Variants in LPA observed in about 807,000 individuals in gnomAD.
LPA encodes the protein apolipoprotein(a).
In LPA, 199 loss-of-function variants were observed where a neutral mutation model predicts 197.9. The ratio of observed to expected loss-of-function variants is 1.01; its 90% confidence interval spans 0.90 to 1.13. LPA has a LOEUF of 1.13. LPA is among the 50% of genes most tolerant of loss of function. LPA has a pLI of 0.00. For missense variants in LPA, 1,853 were observed against 1,785.8 expected (o/e 1.04, Z -0.68); for synonymous variants, 715 against 639.5 (o/e 1.12, Z -1.78).
Position 160,545,521 on chromosome 6 carries a change from G to A in LPA, c.5317C>T (p.Pro1773Ser). The A allele has an allele frequency of 1.2e-6, 2 of 1,611,950 alleles. No individual in the cohort carries two copies. The highest frequency in any genetic ancestry group is 2.2e-5 in the East Asian group (1 of 44,864). ...AGLEKNYCRN[P>S]DGDINGPWCY... ...CAGGGACCATTGATGTCACCATCAG[G>A]GTTACGGCAGTACTGAAAACAAGCA... is the stretch of plus-strand genomic sequence containing the variant. The change falls in exon 33 of 39, where the codon CCT becomes TCT. Residue 1773 changes from proline to serine, a missense_variant. Transcript: ENST00000316300.
At position 160,548,465 on chromosome 6, in the gene LPA, A is replaced by T; in HGVS notation, c.5155+13T>A. The T allele has an allele frequency of 1.2e-6, 2 of 1,613,008 alleles. No individual in the cohort carries two copies. The highest frequency in any genetic ancestry group is 1.7e-6 in the Non-Finnish European group (2 of 1,179,324). ...AGGTATGTGCTAGACAAGGTAAGAC[A>T]CAGACTTCTTACCTTGTTCAGAAGG... On this transcript the variant is annotated intron_variant, in intron 31 of 38. Coordinates refer to ENST00000316300, the MANE Select transcript of LPA (RefSeq NM_005577.4).
intron 16 of LPA, among the ~76,000 whole-genome samples, chr6:160,608,090 G>T (rs540086051): frequency 6.6e-6 from 1 of 152,008 alleles, no homozygotes; most frequent in Non-Finnish European, 1.5e-5. Flanking sequence ...AGTAGTCAAC[G>T]CTCATTTAAA....
At chr6:160,582,157 G>T (rs923662728) in intron 26 of LPA, among the ~76,000 whole-genome samples, 4 of 151,642 alleles carry the variant, frequency 2.6e-5, no homozygotes, top group African/African-American at 9.7e-5. Flanking sequence ...AAGCTTGCTG[G>T]GTTTTTTTCC....
intron 25 of LPA, 59 bp from the exon 26 acceptor site, chr6:160,585,264 A>C (rs1236843801): frequency 2.5e-5 from 38 of 1,536,360 alleles, no homozygotes; most frequent in Non-Finnish European, 3.1e-5. Context: ...ATGTGAAAAA[A>C]ATTATGACAC....
chr6:160,592,443 GC>G (rs1253181523), intron 22 of LPA, among the ~76,000 whole-genome samples: 1 of 152,098 alleles, frequency 6.6e-6, no homozygotes, highest in Non-Finnish European at 1.5e-5. Context: ...CTCATGGTCA[GC>G]TTTTGCTGAC....
At chr6:160,608,691 A>G (rs900805250) in intron 16 of LPA, among the ~76,000 whole-genome samples, 5 of 151,876 alleles carry the variant, frequency 3.3e-5, no homozygotes, top group African/African-American at 1.2e-4. Context: ...TGATTCCGGT[A>G]TTTGTTTCTG....
At chr6:160,545,628 G>C in intron 32 of LPA, 95 bp from the exon 33 acceptor site, 2 of 791,100 alleles carry the variant, frequency 2.5e-6, no homozygotes, top group South Asian at 2.8e-5. Context: ...ATTCTTAGAA[G>C]ACAAAAGGGA....
intron 21 of LPA, among the ~76,000 whole-genome samples, chr6:160,594,507 C>A (rs537709323): frequency 6.6e-6 from 1 of 152,294 alleles, no homozygotes; most frequent in Admixed American, 6.5e-5. Flanking sequence ...AGACATGAAA[C>A]CGTCACACAT....
At chr6:160,569,845 A>C (rs957835346) in intron 28 of LPA, among the ~76,000 whole-genome samples, 1 of 152,252 alleles carries the variant, frequency 6.6e-6, no homozygotes, top group East Asian at 1.9e-4. Context: ...GACAATTCTC[A>C]AAAGAAAACT....
chr6:160,658,891 T>A (rs529550803), intron 1 of LPA, among the ~76,000 whole-genome samples: 8 of 149,012 alleles, frequency 5.4e-5, no homozygotes, highest in Non-Finnish European at 3.0e-5. Flanking sequence ...TATATATATA[T>A]GAGAGAGAGA....
At chr6:160,654,510 A>C (rs920825987) in intron 1 of LPA, among the ~76,000 whole-genome samples, 2 of 152,120 alleles carry the variant, frequency 1.3e-5, no homozygotes, top group African/African-American at 4.8e-5. Flanking sequence ...AACCATCACA[A>C]GTCCAACTCC....
At position 160,573,169 on chromosome 6, in the gene LPA, T is replaced by C. The variant is rs113236095; in HGVS notation, c.4631+3967A>G. On this transcript the variant is annotated intron_variant, in intron 28 of 38. Transcript: ENST00000316300. Reference sequence around the variant, plus strand: ...TTTGTCTTTGTTGGATTGGGTTAATTTGAAGTCCTTGTCTTTGAGCTCTGA... The same window carrying C: ...TTTGTCTTTGTTGGATTGGGTTAATCTGAAGTCCTTGTCTTTGAGCTCTGA... Among the ~76,000 whole-genome samples, 167 of 152,266 alleles carry C rather than the reference T, an allele frequency of 1.1e-3. 1 individual carries two copies. The highest frequency in any genetic ancestry group is 3.7e-3 in the African/African-American group (152 of 41,560).
intron 16 of LPA, among the ~76,000 whole-genome samples, chr6:160,609,454 G>C (rs1015323637): frequency 2.6e-5 from 4 of 152,096 alleles, no homozygotes; most frequent in Non-Finnish European, 5.9e-5. Context: ...TTTCTCGTGA[G>C]ATGTTTCTTC....
intron 37 of LPA, among the ~76,000 whole-genome samples, chr6:160,535,631 G>T (rs1488790266): frequency 1.3e-5 from 2 of 152,158 alleles, no homozygotes; most frequent in African/African-American, 4.8e-5. Flanking sequence ...TGGTGATGGT[G>T]GTGGAATGGT....
chr6:160,607,411 CTG>C lies in LPA; in HGVS notation c.2604-755_2604-754del, dbSNP rs879838095. Among the ~76,000 whole-genome samples the C allele has an allele frequency of 3.2e-3, 480 of 152,248 alleles. 2 individuals carry two copies. Among genetic ancestry groups the C allele is most frequent in the Admixed American group, 0.011 (167 of 15,294 alleles). ...CTACCCTCTGCTGGCCGCAGCTACT[CTG>C]CACTGAGGGAAAGGGGGATGAGTTG... On this transcript the variant is annotated intron_variant, in intron 16 of 38. Transcript: ENST00000316300.
In LPA at chr6:160,601,014, C is replaced by T. The variant is rs746845218; in HGVS notation, c.3030G>A (p.Glu1010=). The T allele has an allele frequency of 1.9e-6, 3 of 1,614,076 alleles. No individual in the cohort carries two copies. Among genetic ancestry groups the T allele is most frequent in the Middle Eastern group, 1.7e-4 (1 of 6,052 alleles). ...CTGAGCATCGTGTCAGGTTGCAGTACTCCCACCTGACACTGGGATCTGTTG... is the reference window on the plus strand; with the variant it reads ...CTGAGCATCGTGTCAGGTTGCAGTATTCCCACCTGACACTGGGATCTGTTG... The part of the protein sequence containing the change: ...CYTTDPSVRW[E]YCNLTRCSDA... The change falls in exon 19 of 39, where the codon GAG becomes GAA. Residue 1010 remains glutamate, a synonymous_variant. Coordinates refer to ENST00000316300, the MANE Select transcript of LPA (RefSeq NM_005577.4).
At chr6:160,577,775 C>T (rs1208859519) in intron 27 of LPA, among the ~76,000 whole-genome samples, 1 of 152,178 alleles carries the variant, frequency 6.6e-6, no homozygotes. Context: ...GGAGTGCAGG[C>T]AAAGACTCAT....
chr6:160,560,176 A>G (rs1778337686), intron 28 of LPA, among the ~76,000 whole-genome samples: 1 of 152,122 alleles, frequency 6.6e-6, no homozygotes. Context: ...CATTTTCTTT[A>G]TCCAGTCTAT....
At chr6:160,585,316 T>C in intron 25 of LPA, 111 bp from the exon 26 acceptor site, 1 of 975,848 alleles carries the variant, frequency 1.0e-6, no homozygotes, top group East Asian at 2.4e-5. Context: ...TACACTCTTC[T>C]ATATTAGCAT....
Sources: gnomAD v4.1 joint callset for allele counts (sites outside exome capture counted in the v4.1 genomes callset) on GRCh38, gnomAD v4.1.1 for gene constraint, MANE v1.5 for transcripts, NCBI Gene and HGNC (gene_info 2026-07-23, HGNC 2026-07-21) for gene names.